The following SCFD2 variants were observed in gnomAD, a reference collection of about 807,000 sequenced individuals.
The protein encoded by SCFD2 is sec1 family domain-containing protein 2.
In SCFD2, 54 loss-of-function variants were observed where a neutral mutation model predicts 58.9. The observed-to-expected ratio is 0.92, with a 90% CI of 0.74 to 1.15. SCFD2 has a LOEUF of 1.15. Ranked by LOEUF, SCFD2 falls within the 50% of genes most tolerant of loss-of-function variation. The pLI is 0.00. For missense variants in SCFD2, 805 were observed against 836.6 expected, an observed-to-expected ratio of 0.96 and a Z score of 0.47; for synonymous variants, 321 against 335.9, an observed-to-expected ratio of 0.96 and a Z score of 0.49.
intron 5 of SCFD2, among the ~76,000 whole-genome samples, chr4:52,984,222 G>T (rs773110213): frequency 2.6e-5 from 4 of 152,206 alleles, no homozygotes; most frequent in Admixed American, 6.5e-5. Context: ...TAAAACTCTG[G>T]AGGCTATATT....
intron 2 of SCFD2, among the ~76,000 whole-genome samples, chr4:53,343,213 C>T (rs1408601615): frequency 6.6e-6 from 1 of 151,884 alleles, no homozygotes; most frequent in Non-Finnish European, 1.5e-5. Context: ...AGACCGCTAA[C>T]AAGACTAATA....
At chr4:53,004,812 C>T (rs1359472335) in intron 5 of SCFD2, among the ~76,000 whole-genome samples, 2 of 152,088 alleles carry the variant, frequency 1.3e-5, no homozygotes, top group South Asian at 2.1e-4. Context: ...AGGGAAACTG[C>T]TTATGGTTGG....
intron 4 of SCFD2, among the ~76,000 whole-genome samples, chr4:53,200,684 A>T (rs1728203830): frequency 6.6e-6 from 1 of 152,256 alleles, no homozygotes; most frequent in South Asian, 2.1e-4. Flanking sequence ...TAGAAAAAAA[A>T]TGTGTTCAAA....
At chr4:53,007,128 A>G (rs1469510743) in intron 5 of SCFD2, among the ~76,000 whole-genome samples, 1 of 151,888 alleles carries the variant, frequency 6.6e-6, no homozygotes, top group Non-Finnish European at 1.5e-5. Flanking sequence ...AAAAAAATTA[A>G]AAATCAGCTG....
intron 4 of SCFD2, among the ~76,000 whole-genome samples, chr4:53,222,566 A>G (rs1352888871): frequency 1.3e-5 from 2 of 152,188 alleles, no homozygotes; most frequent in African/African-American, 2.4e-5. Context: ...TCTAGGGAAA[A>G]CAAGACGGGA....
At chr4:52,888,602 T>C (rs756358521) in intron 7 of SCFD2, among the ~76,000 whole-genome samples, 4 of 152,218 alleles carry the variant, frequency 2.6e-5, no homozygotes, top group Non-Finnish European at 5.9e-5. Context: ...CTGACATTTC[T>C]ATGGCATGTC....
At chr4:53,304,245 T>G (rs1732439607) in intron 3 of SCFD2, among the ~76,000 whole-genome samples, 1 of 152,168 alleles carries the variant, frequency 6.6e-6, no homozygotes, top group African/African-American at 2.4e-5. Flanking sequence ...CCTTTCTCTC[T>G]GCCTGCCCTT....
At chr4:52,949,651 A>G (rs1336054979) in intron 5 of SCFD2, 1 of 152,268 alleles carries the variant, frequency 6.6e-6, no homozygotes, top group Non-Finnish European at 1.5e-5. Context: ...CTCCGCTCTC[A>G]GCACTGCAGT....
chr4:53,256,151 G>A (rs1247278458), intron 4 of SCFD2, among the ~76,000 whole-genome samples: 2 of 149,944 alleles, frequency 1.3e-5, no homozygotes, highest in East Asian at 4.0e-4. Flanking sequence ...GGACGGAGGG[G>A]CTCCTCACTT....
chr4:53,234,478 G>A (rs1268602611), intron 4 of SCFD2, among the ~76,000 whole-genome samples: 3 of 152,156 alleles, frequency 2.0e-5, no homozygotes, highest in South Asian at 2.1e-4. Flanking sequence ...GGGACTGGAG[G>A]ACAGAGGTTT....
intron 4 of SCFD2, among the ~76,000 whole-genome samples, chr4:53,226,365 G>A (rs1323747747): frequency 1.3e-5 from 2 of 151,960 alleles, no homozygotes; most frequent in African/African-American, 4.8e-5. Flanking sequence ...AAGACTACTA[G>A]AAAATACTGA....
At chr4:53,228,292 G>A (rs1201888824) in intron 4 of SCFD2, among the ~76,000 whole-genome samples, 2 of 152,138 alleles carry the variant, frequency 1.3e-5, no homozygotes, top group Non-Finnish European at 2.9e-5. Flanking sequence ...TGGGAGTGGT[G>A]TGGTGAAACA....
chr4:52,925,355 C>A (rs201058350), intron 5 of SCFD2, among the ~76,000 whole-genome samples: 256 of 142,924 alleles, frequency 1.8e-3, no homozygotes, highest in Non-Finnish European at 3.4e-3. Context: ...TATATATATA[C>A]ATATATATAT....
At chr4:53,246,679 A>T (rs886770073) in intron 4 of SCFD2, among the ~76,000 whole-genome samples, 3 of 152,224 alleles carry the variant, frequency 2.0e-5, no homozygotes, top group Non-Finnish European at 4.4e-5. Context: ...TACCATACAT[A>T]AAAAACAACT....
intron 5 of SCFD2, among the ~76,000 whole-genome samples, chr4:53,057,482 A>G (rs960701740): frequency 6.6e-6 from 1 of 152,146 alleles, no homozygotes; most frequent in Admixed American, 6.5e-5. Flanking sequence ...GTTCTCACTC[A>G]TAAGTGGGAC....
chr4:53,019,945 T>C (rs754426406), intron 5 of SCFD2, among the ~76,000 whole-genome samples: 1 of 152,146 alleles, frequency 6.6e-6, no homozygotes, highest in Non-Finnish European at 1.5e-5. Context: ...CTCACCAAAT[T>C]ACAAGCGTCT....
intron 7 of SCFD2, among the ~76,000 whole-genome samples, chr4:52,891,063 G>C (rs547824262): frequency 3.3e-5 from 5 of 152,082 alleles, no homozygotes; most frequent in Non-Finnish European, 7.4e-5. Context: ...GCCTTAAGGG[G>C]TACTAAGCCT....
At chr4:53,253,916 C>CA (rs113461622) in intron 4 of SCFD2, among the ~76,000 whole-genome samples, 14,489 of 141,494 alleles carry the variant, frequency 0.1, 1,067 homozygotes, top group South Asian at 0.23. Context: ...ATAACAAAGT[C>CA]AAAAAAAAAA....
At chr4:53,037,893 C>T (rs1447892547) in intron 5 of SCFD2, among the ~76,000 whole-genome samples, 1 of 152,082 alleles carries the variant, frequency 6.6e-6, no homozygotes, top group Admixed American at 6.6e-5. Flanking sequence ...ATAAACATGA[C>T]AACAATCCAA....
Sources: gnomAD v4.1 joint callset for allele counts (sites outside exome capture counted in the v4.1 genomes callset) on GRCh38, gnomAD v4.1.1 for gene constraint, MANE v1.5 for transcripts, NCBI Gene and HGNC (gene_info 2026-07-23, HGNC 2026-07-21) for gene names.